The following CSMD1 variants were observed in gnomAD, a reference collection of about 807,000 sequenced individuals.
CSMD1 encodes CUB and sushi domain-containing protein 1.
CSMD1 carries 213 observed loss-of-function variants against 417.5 expected under a neutral mutation model. The ratio of observed to expected loss-of-function variants is 0.51; its 90% CI spans 0.46 to 0.57. The LOEUF (loss-of-function observed/expected upper bound fraction) is 0.57. CSMD1 is among the 20% of genes least tolerant of loss of function. The pLI is 0.00. For synonymous variants in CSMD1, 2,862 were observed against 1,736.8 expected (o/e 1.65, Z -16.11); for missense variants, 6,923 against 4,529.7 (o/e 1.53, Z -15.17).
chr8:4,743,567 G>C (rs188432778), intron 1 of CSMD1, among the ~76,000 whole-genome samples: 1 of 152,264 alleles, frequency 6.6e-6, no homozygotes, highest in Admixed American at 6.5e-5. Context: ...ACCACAGAGA[G>C]TGGCTATCCT....
At chr8:4,029,350 G>T (rs570541209) in intron 4 of CSMD1, among the ~76,000 whole-genome samples, 4 of 152,184 alleles carry the variant, frequency 2.6e-5, no homozygotes, top group Non-Finnish European at 4.4e-5. Flanking sequence ...CAAAAGAGAG[G>T]TTTGATGGAC....
At position 4,118,798 on chromosome 8, in the gene CSMD1, T is replaced by C. The variant is rs566692943; in HGVS notation, c.416-86699A>G. On this transcript the variant is annotated intron_variant, in intron 3 of 69. Coordinates refer to ENST00000635120, the MANE Select transcript of CSMD1 (RefSeq NM_033225.6). ...CTATAAAGACACATGCACATGTATG[T>C]TTATTACAGCACTATTCACAATAGC... Among the ~76,000 whole-genome samples the C allele has an allele frequency of 6.6e-5, 10 of 152,282 alleles. No individual in the cohort carries two copies. The East Asian group carries it at 1.7e-3, about 26-fold the overall frequency.
intron 12 of CSMD1, among the ~76,000 whole-genome samples, chr8:3,466,639 G>C (rs981049405): frequency 2.7e-5 from 4 of 147,510 alleles, no homozygotes; most frequent in African/African-American, 1.0e-4. Context: ...ATGTTGGCCA[G>C]GCTGGTCTGG....
intron 5 of CSMD1, among the ~76,000 whole-genome samples, chr8:3,894,068 G>A (rs920484093): frequency 1.3e-5 from 2 of 152,002 alleles, no homozygotes; most frequent in African/African-American, 4.8e-5. Flanking sequence ...ATCCTCACAA[G>A]CAGCAAGCCG....
chr8:3,902,814 C>A (rs867487404), intron 5 of CSMD1, among the ~76,000 whole-genome samples: 1 of 152,122 alleles, frequency 6.6e-6, no homozygotes. Context: ...AATTAAATTA[C>A]ATAATGCACT....
At chr8:4,904,596 G>A (rs11996241) in intron 1 of CSMD1, among the ~76,000 whole-genome samples, 136,028 of 152,076 alleles carry the variant, frequency 0.89, 61,081 homozygotes, top group East Asian at 1. Flanking sequence ...ATATCATTAA[G>A]CACATATATG....
At chr8:4,143,701 A>C (rs143454196) in intron 3 of CSMD1, among the ~76,000 whole-genome samples, 1 of 151,188 alleles carries the variant, frequency 6.6e-6, no homozygotes, top group East Asian at 1.9e-4. Context: ...TAAGATACAC[A>C]AAGTAACAAA....
chr8:3,360,358 T>C (rs1809077798), intron 20 of CSMD1, among the ~76,000 whole-genome samples: 1 of 152,272 alleles, frequency 6.6e-6, no homozygotes. Flanking sequence ...CAACTCCTTC[T>C]GATCTCCGTA....
At chr8:4,253,961 G>C (rs1011882294) in intron 3 of CSMD1, among the ~76,000 whole-genome samples, 2 of 133,400 alleles carry the variant, frequency 1.5e-5, no homozygotes, top group African/African-American at 2.8e-5. Context: ...CTAGTGCCCA[G>C]GCTGGAGTGC....
chr8:3,057,665 A>T (rs542969325), intron 49 of CSMD1, among the ~76,000 whole-genome samples: 1 of 152,332 alleles, frequency 6.6e-6, no homozygotes, highest in African/African-American at 2.4e-5. Context: ...ACAGATGCTA[A>T]CATTTTTTAT....
chr8:3,755,685 T>G (rs953791021), intron 5 of CSMD1, among the ~76,000 whole-genome samples: 3 of 152,188 alleles, frequency 2.0e-5, no homozygotes, highest in African/African-American at 7.2e-5. Context: ...TAGTCAAGCT[T>G]TCTGATGTCA....
intron 4 of CSMD1, among the ~76,000 whole-genome samples, chr8:3,999,819 G>A (rs1053176032): frequency 1.3e-5 from 2 of 152,154 alleles, no homozygotes; most frequent in Non-Finnish European, 2.9e-5. Flanking sequence ...GTGTTCTCAT[G>A]TTTTAATAGT....
At chr8:3,588,771 C>G (rs1481910821) in intron 8 of CSMD1, among the ~76,000 whole-genome samples, 1 of 151,892 alleles carries the variant, frequency 6.6e-6, no homozygotes. Flanking sequence ...GTAAAGGAAA[C>G]AACAAACAGA....
chr8:3,669,453 C>G (rs1333857385), intron 7 of CSMD1, among the ~76,000 whole-genome samples: 1 of 152,236 alleles, frequency 6.6e-6, no homozygotes, highest in East Asian at 1.9e-4. Context: ...TGGTCCTGTT[C>G]ATTCATTCAT....
intron 10 of CSMD1, among the ~76,000 whole-genome samples, chr8:3,525,189 T>G (rs1019288117): frequency 1.4e-4 from 21 of 152,162 alleles, no homozygotes; most frequent in Non-Finnish European, 3.1e-4. Flanking sequence ...TGTGTGAGAC[T>G]CAGCCGTCAG....
At chr8:3,521,999 G>GT (rs1378060773) in intron 10 of CSMD1, among the ~76,000 whole-genome samples, 4 of 152,128 alleles carry the variant, frequency 2.6e-5, no homozygotes, top group African/African-American at 9.7e-5. Flanking sequence ...GTGTAAACAA[G>GT]TATTTGCATT....
intron 6 of CSMD1, among the ~76,000 whole-genome samples, chr8:3,712,890 C>A (rs1801609245): frequency 6.6e-6 from 1 of 152,112 alleles, no homozygotes; most frequent in African/African-American, 2.4e-5. Flanking sequence ...TGGACAATTT[C>A]AGTTTGACAG....
At chr8:3,430,028 G>C (rs768826055) in intron 12 of CSMD1, among the ~76,000 whole-genome samples, 1 of 151,838 alleles carries the variant, frequency 6.6e-6, no homozygotes, top group Non-Finnish European at 1.5e-5. Flanking sequence ...TTATAAAAGA[G>C]GATAAATCAG....
At chr8:3,701,414 C>T (rs185184913) in intron 7 of CSMD1, among the ~76,000 whole-genome samples, 9 of 152,178 alleles carry the variant, frequency 5.9e-5, no homozygotes, top group East Asian at 1.9e-4. Flanking sequence ...GAAAGTCTGT[C>T]CCCGGGCTGA....
Sources: gnomAD v4.1 joint callset for allele counts (sites outside exome capture counted in the v4.1 genomes callset) on GRCh38, gnomAD v4.1.1 for gene constraint, MANE v1.5 for transcripts, NCBI Gene and HGNC (gene_info 2026-07-23, HGNC 2026-07-21) for gene names.